Variants in PHF20 observed in about 807,000 individuals in gnomAD.
PHF20 encodes the protein PHD finger protein 20.
PHF20 carries 23 observed loss-of-function variants against 113.5 expected under a neutral mutation model. The ratio of observed to expected loss-of-function variants is 0.20; its 90% CI spans 0.15 to 0.29. The LOEUF is 0.29. Ranked by LOEUF, PHF20 falls within the 10% of genes least tolerant of loss-of-function variation. PHF20 has a pLI of 1.00. For missense variants in PHF20, 943 were observed against 1,219.6 expected, an observed-to-expected ratio of 0.77 and a Z score of 3.38; for synonymous variants, 434 against 457.3, an observed-to-expected ratio of 0.95 and a Z score of 0.65.
chr20:35,830,881 T>C (rs557169101), intron 2 of PHF20, among the ~76,000 whole-genome samples: 1 of 152,082 alleles, frequency 6.6e-6, no homozygotes, highest in African/African-American at 2.4e-5. Flanking sequence ...TGATATTCTC[T>C]CTCCCCTGTC....
intron 9 of PHF20, among the ~76,000 whole-genome samples, chr20:35,879,735 T>C (rs1036084198): frequency 8.2e-5 from 12 of 146,202 alleles, no homozygotes; most frequent in African/African-American, 2.8e-4. Flanking sequence ...AAAAACAAAT[T>C]GACCTCTTCA....
chr20:35,777,501 A>G (rs2041198459), intron 1 of PHF20, among the ~76,000 whole-genome samples: 2 of 152,248 alleles, frequency 1.3e-5, no homozygotes, highest in Non-Finnish European at 2.9e-5. Flanking sequence ...GTGTATCCTA[A>G]GTGCAAATAC....
chr20:35,895,279 C>T (rs953659603), intron 9 of PHF20, among the ~76,000 whole-genome samples: 1 of 151,944 alleles, frequency 6.6e-6, no homozygotes, highest in Non-Finnish European at 1.5e-5. Flanking sequence ...CCACCTCAGC[C>T]TCTCAAAGTG....
intron 2 of PHF20, chr20:35,838,220 T>C (rs1490582983): frequency 6.6e-6 from 1 of 152,232 alleles, no homozygotes; most frequent in Non-Finnish European, 1.5e-5. Context: ...CAACTTTTAA[T>C]TTTGCCAAAT....
At chr20:35,934,823 G>A (rs1382663827) in intron 15 of PHF20, among the ~76,000 whole-genome samples, 2 of 152,212 alleles carry the variant, frequency 1.3e-5, no homozygotes, top group Admixed American at 6.5e-5. Flanking sequence ...TGAACCAAAT[G>A]ACGGCCCTGG....
chr20:35,800,518 A>G (rs1175656291), intron 1 of PHF20, among the ~76,000 whole-genome samples: 14 of 152,180 alleles, frequency 9.2e-5, no homozygotes, highest in Admixed American at 8.5e-4. Context: ...CGCCTGTAAT[A>G]CCAGCACTTT....
chr20:35,784,304 G>A (rs1176700871), intron 1 of PHF20, among the ~76,000 whole-genome samples: 1 of 150,736 alleles, frequency 6.6e-6, no homozygotes, highest in East Asian at 2.0e-4. Flanking sequence ...TGCCTGCCTC[G>A]GCCTCCCAAA....
intron 2 of PHF20, among the ~76,000 whole-genome samples, chr20:35,807,425 T>A (rs1009884712): frequency 4.7e-5 from 7 of 150,504 alleles, no homozygotes; most frequent in Non-Finnish European, 7.4e-5. Flanking sequence ...CGATTTGGGC[T>A]CACTGCAACC....
chr20:35,789,189 G>A (rs1426930806), intron 1 of PHF20, among the ~76,000 whole-genome samples: 1 of 152,016 alleles, frequency 6.6e-6, no homozygotes, highest in Admixed American at 6.6e-5. Flanking sequence ...GCTTAGTGAG[G>A]GAGGGGGCAG....
chr20:35,849,113 T>G (rs1231575561), intron 4 of PHF20, among the ~76,000 whole-genome samples: 1 of 152,040 alleles, frequency 6.6e-6, no homozygotes, highest in African/African-American at 2.4e-5. Flanking sequence ...CATTGACTGG[T>G]TTTTGGGACT....
At chr20:35,867,399 A>G (rs2054337449) in intron 6 of PHF20, among the ~76,000 whole-genome samples, 1 of 152,110 alleles carries the variant, frequency 6.6e-6, no homozygotes, top group Admixed American at 6.6e-5. Flanking sequence ...AGCTGGGACT[A>G]CAGGCATGTG....
At chr20:35,807,073 G>C (rs569555544) in intron 2 of PHF20, among the ~76,000 whole-genome samples, 2 of 152,158 alleles carry the variant, frequency 1.3e-5, no homozygotes, top group East Asian at 3.9e-4. Flanking sequence ...GGGATTACAG[G>C]CATGAGCCAC....
At chr20:35,924,190 T>C (rs1462711001) in intron 13 of PHF20, among the ~76,000 whole-genome samples, 2 of 151,600 alleles carry the variant, frequency 1.3e-5, no homozygotes, top group African/African-American at 4.8e-5. Flanking sequence ...TTCTTTTCTT[T>C]TCTTTTTTTT....
intron 13 of PHF20, among the ~76,000 whole-genome samples, chr20:35,926,950 C>T (rs1288497676): frequency 1.3e-5 from 2 of 152,174 alleles, no homozygotes; most frequent in African/African-American, 2.4e-5. Flanking sequence ...AGTATCTCCT[C>T]GGGAGTTCGC....
chr20:35,883,434 AAAATT>A (rs1333574002), intron 9 of PHF20, among the ~76,000 whole-genome samples: 1 of 152,150 alleles, frequency 6.6e-6, no homozygotes, highest in Non-Finnish European at 1.5e-5. Context: ...AGAGGTTGGT[AAAATT>A]AAATTAAATT....
intron 1 of PHF20, among the ~76,000 whole-genome samples, chr20:35,794,040 C>T (rs1284794960): frequency 1.4e-5 from 2 of 145,234 alleles, no homozygotes; most frequent in Non-Finnish European, 3.0e-5. Context: ...TGGCTCACAC[C>T]TGTAATCCCC....
chr20:35,828,253 G>T (rs1055079015), intron 2 of PHF20, among the ~76,000 whole-genome samples: 2 of 152,064 alleles, frequency 1.3e-5, no homozygotes, highest in Non-Finnish European at 2.9e-5. Flanking sequence ...CGAACTCCAG[G>T]CTTCAGGTGA....
At chr20:35,811,371 C>G (rs1446085106) in intron 2 of PHF20, among the ~76,000 whole-genome samples, 1 of 151,864 alleles carries the variant, frequency 6.6e-6, no homozygotes, top group African/African-American at 2.4e-5. Context: ...TTGCTTATGT[C>G]CTTGTGACTT....
chr20:35,839,138 A>C (rs2042495879), intron 2 of PHF20, among the ~76,000 whole-genome samples: 1 of 151,806 alleles, frequency 6.6e-6, no homozygotes, highest in Non-Finnish European at 1.5e-5. Flanking sequence ...CACCTGTAGT[A>C]CCAGCACTTT....
Sources: gnomAD v4.1 joint callset for allele counts (sites outside exome capture counted in the v4.1 genomes callset) on GRCh38, gnomAD v4.1.1 for gene constraint, MANE v1.5 for transcripts, NCBI Gene and HGNC (gene_info 2026-07-23, HGNC 2026-07-21) for gene names.